ETV6: variants seen among roughly 807,000 people sequenced by gnomAD.
The protein encoded by ETV6 is ETS variant transcription factor 6.
A neutral mutation model predicts 51.1 loss-of-function variants in ETV6; 16 were observed. The ratio of observed to expected loss-of-function variants is 0.31; its 90% CI spans 0.21 to 0.48. ETV6 has a LOEUF of 0.48. ETV6 is among the 20% of genes least tolerant of loss of function. The probability of loss-of-function intolerance (pLI) is 0.99; values close to 1 mark genes in which losing one functional copy is unlikely to be tolerated. For missense variants in ETV6, 458 were observed against 594.8 expected (o/e 0.77, Z 2.39); for synonymous variants, 240 against 224.1 (o/e 1.07, Z -0.64).
chr12:11,682,311 T>C (rs1371970070), intron 1 of ETV6, among the ~76,000 whole-genome samples: 2 of 152,254 alleles, frequency 1.3e-5, no homozygotes, highest in East Asian at 3.8e-4. Flanking sequence ...ATTTCTGTAA[T>C]GACCAGTGAT....
intron 5 of ETV6, among the ~76,000 whole-genome samples, chr12:11,873,302 G>C (rs1016220293): frequency 6.6e-6 from 1 of 152,086 alleles, no homozygotes; most frequent in Non-Finnish European, 1.5e-5. Context: ...AAGCACCTTT[G>C]TTTCTTTGAG....
chr12:11,760,374 G>A (rs576295560), intron 2 of ETV6, among the ~76,000 whole-genome samples: 2 of 152,288 alleles, frequency 1.3e-5, no homozygotes, highest in South Asian at 4.1e-4. Flanking sequence ...CTGTAGATGT[G>A]GGGTGGATGA....
chr12:11,820,954 G>A (rs1385185581), intron 2 of ETV6, among the ~76,000 whole-genome samples: 5 of 152,202 alleles, frequency 3.3e-5, no homozygotes, highest in East Asian at 3.8e-4. Context: ...GGCAAGAGAG[G>A]ATGGTGGCTG....
At chr12:11,852,476 T>G (rs1360574774) in intron 3 of ETV6, among the ~76,000 whole-genome samples, 1 of 152,222 alleles carries the variant, frequency 6.6e-6, no homozygotes, top group Non-Finnish European at 1.5e-5. Flanking sequence ...ATGTTTATTC[T>G]TTTCCCGTCT....
At chr12:11,748,307 G>C (rs967046045) in intron 1 of ETV6, among the ~76,000 whole-genome samples, 7 of 152,194 alleles carry the variant, frequency 4.6e-5, no homozygotes, top group African/African-American at 1.7e-4. Context: ...TTTATAATGG[G>C]GATAGGGACA....
intron 3 of ETV6, among the ~76,000 whole-genome samples, chr12:11,848,065 G>T (rs1289680807): frequency 6.6e-6 from 1 of 152,000 alleles, no homozygotes. Context: ...CTGAAACAAA[G>T]AACATTTTTT....
At position 11,852,415 on chromosome 12, in the gene ETV6, T is replaced by C. The variant is rs577727231; in HGVS notation, c.329-1012T>C. On this transcript the variant is annotated intron_variant, in intron 3 of 7. Coordinates refer to ENST00000396373, the MANE Select transcript of ETV6 (RefSeq NM_001987.5). Reference sequence around the variant, plus strand: ...CATCCCAGAACATGCCAGTTCCTTATAGAGTATCTTGAATAGTTACCACCT... The same window carrying C: ...CATCCCAGAACATGCCAGTTCCTTACAGAGTATCTTGAATAGTTACCACCT... Among the ~76,000 whole-genome samples the C allele has an allele frequency of 1.1e-4, 17 of 152,328 alleles. No homozygotes were observed. The East Asian group carries it at 2.5e-3, about 22-fold the overall frequency.
intron 2 of ETV6, among the ~76,000 whole-genome samples, chr12:11,815,774 G>A (rs920538045): frequency 3.3e-5 from 5 of 150,208 alleles, no homozygotes; most frequent in Non-Finnish European, 5.9e-5. Flanking sequence ...TTGTGAACAG[G>A]ACACAACAAA....
chr12:11,724,381 G>A (rs1041313274), intron 1 of ETV6, among the ~76,000 whole-genome samples: 1 of 152,216 alleles, frequency 6.6e-6, no homozygotes, highest in African/African-American at 2.4e-5. Flanking sequence ...CACGTGGAGT[G>A]GGCCTGTGCC....
intron 1 of ETV6, among the ~76,000 whole-genome samples, chr12:11,692,302 C>T (rs1400734195): frequency 3.3e-5 from 5 of 152,136 alleles, no homozygotes; most frequent in South Asian, 2.1e-4. Flanking sequence ...TCCCTCCTAG[C>T]GTGAAAGCCC....
intron 1 of ETV6, among the ~76,000 whole-genome samples, chr12:11,720,552 A>C (rs1460427698): frequency 6.6e-6 from 1 of 152,200 alleles, no homozygotes. Flanking sequence ...CTGAACCCTT[A>C]CCTTTCACCA....
At chr12:11,884,913 G>A (rs1947162423) in intron 6 of ETV6, among the ~76,000 whole-genome samples, 1 of 152,204 alleles carries the variant, frequency 6.6e-6, no homozygotes, top group African/African-American at 2.4e-5. Context: ...GGGAAGTACA[G>A]CAAGACTCTC....
intron 2 of ETV6, among the ~76,000 whole-genome samples, chr12:11,808,382 G>A (rs1004790538): frequency 6.6e-6 from 1 of 151,266 alleles, no homozygotes; most frequent in African/African-American, 2.4e-5. Context: ...CTTCATATCC[G>A]TGAGTTGCAC....
chr12:11,807,612 A>AT (rs1945848260), intron 2 of ETV6, among the ~76,000 whole-genome samples: 1 of 152,216 alleles, frequency 6.6e-6, no homozygotes, highest in Non-Finnish European at 1.5e-5. Flanking sequence ...TAATAAAATA[A>AT]TATGTAAAGG....
intron 2 of ETV6, among the ~76,000 whole-genome samples, chr12:11,802,843 C>T (rs1376732820): frequency 6.6e-6 from 1 of 152,200 alleles, no homozygotes; most frequent in South Asian, 2.1e-4. Flanking sequence ...TGGCCCAGCT[C>T]TTAGTTTGAA....
intron 5 of ETV6, among the ~76,000 whole-genome samples, chr12:11,872,479 C>G (rs1946894822): frequency 6.9e-6 from 1 of 145,014 alleles, no homozygotes; most frequent in South Asian, 2.2e-4. Flanking sequence ...ATATTAGTCT[C>G]TTAAAATTAT....
chr12:11,700,769 G>A (rs1864964303), intron 1 of ETV6, among the ~76,000 whole-genome samples: 1 of 152,116 alleles, frequency 6.6e-6, no homozygotes. Context: ...AGAGGGCTTG[G>A]TCTTGCTGTC....
intron 5 of ETV6, among the ~76,000 whole-genome samples, chr12:11,881,747 T>C (rs1280294546): frequency 1.3e-5 from 2 of 152,214 alleles, no homozygotes; most frequent in African/African-American, 4.8e-5. Context: ...TTTCCCTTTA[T>C]AGAGAAAGTA....
At chr12:11,692,871 G>A (rs933722155) in intron 1 of ETV6, among the ~76,000 whole-genome samples, 4 of 151,922 alleles carry the variant, frequency 2.6e-5, no homozygotes, top group African/African-American at 9.7e-5. Flanking sequence ...GCAACATGAC[G>A]AAGCCATCTC....
Sources: allele counts gnomAD v4.1 joint callset (sites outside exome capture counted in the v4.1 genomes callset), GRCh38; gene constraint gnomAD v4.1.1; transcripts MANE v1.5; gene names NCBI Gene and HGNC (gene_info 2026-07-23, HGNC 2026-07-21).